The following CCNH variants were observed in gnomAD, a reference collection of about 807,000 sequenced individuals.
CCNH encodes cyclin-H.
In CCNH, 31 loss-of-function variants were observed where a neutral mutation model predicts 41.9. The ratio of observed to expected loss-of-function variants is 0.74; its 90% CI spans 0.56 to 1.00. The LOEUF (loss-of-function observed/expected upper bound fraction) is 1.00. Ranked by LOEUF, CCNH falls within the 50% of genes least tolerant of loss-of-function variation. The pLI is 0.00. For missense variants in CCNH, 362 were observed against 388.4 expected (o/e 0.93, Z 0.57); for synonymous variants, 138 against 136.1 (o/e 1.01, Z -0.10).
intron 9 of CCNH, among the ~76,000 whole-genome samples, chr5:87,383,035 T>C: frequency 6.6e-6 from 1 of 151,968 alleles, no homozygotes; most frequent in East Asian, 1.9e-4. Context: ...AAGGTTGCAG[T>C]GAGCTGTGAT....
intron 9 of CCNH, among the ~76,000 whole-genome samples, chr5:87,344,707 TG>T (rs1171280985): frequency 4.8e-5 from 7 of 146,256 alleles, no homozygotes; most frequent in Non-Finnish European, 7.5e-5. Flanking sequence ...TTTGTAAAGA[TG>T]AGGTCTTACT....
chr5:87,398,800 C>T (rs1279846544), intron 7 of CCNH, among the ~76,000 whole-genome samples: 4 of 151,842 alleles, frequency 2.6e-5, no homozygotes, highest in South Asian at 4.2e-4. Flanking sequence ...GATGAAACCC[C>T]GTCTCTACTA....
intron 9 of CCNH, among the ~76,000 whole-genome samples, chr5:87,344,617 C>T (rs770694350): frequency 2.6e-5 from 4 of 151,926 alleles, no homozygotes; most frequent in Admixed American, 6.6e-5. Flanking sequence ...GATCTTCCTG[C>T]CTGAGCCTCC....
upstream of CCNH, chr5:87,379,921 G>C: frequency 6.9e-7 from 1 of 1,457,116 alleles, no homozygotes. Flanking sequence ...TTTCTAAAAC[G>C]TGAAAGCTTT....
intron 9 of CCNH, among the ~76,000 whole-genome samples, chr5:87,358,303 A>G (rs1759805630): frequency 6.6e-6 from 1 of 152,282 alleles, no homozygotes; most frequent in African/African-American, 2.4e-5. Context: ...TTTGAGCACT[A>G]TATTTTAAGC....
intron 9 of CCNH, among the ~76,000 whole-genome samples, chr5:87,370,818 C>T (rs1760879959): frequency 6.6e-6 from 1 of 152,066 alleles, no homozygotes; most frequent in Admixed American, 6.6e-5. Context: ...TTTGCCAACC[C>T]TAGATATGAG....
At chr5:87,381,487 T>C (rs1260306012), upstream of CCNH, among the ~76,000 whole-genome samples, 1 of 152,216 alleles carries the variant, frequency 6.6e-6, no homozygotes, top group East Asian at 1.9e-4. Flanking sequence ...ATATGTAAAA[T>C]AATTAGGCAA....
rs929077615 is a variant in CCNH, at chr5:87,396,392, C to T, written c.873-1288G>A. ...ATCCCAGCACTTTGGGAGGCTGAGG[C>T]GGGCGGATCACGACGTCAGGAGCTT... On this transcript the variant is annotated intron_variant, in intron 7 of 8. Coordinates refer to ENST00000256897, the MANE Select transcript of CCNH (RefSeq NM_001239.4). 1.3e-5 allele frequency among the ~76,000 whole-genome samples: 2 copies of T among 152,006 alleles called. 1 individual carries two copies. Among genetic ancestry groups the T allele is most frequent in the South Asian group, 4.2e-4 (2 of 4,818 alleles).
intron 5 of CCNH, among the ~76,000 whole-genome samples, chr5:87,402,895 CATT>C (rs1561350510): frequency 6.6e-6 from 1 of 152,074 alleles, no homozygotes; most frequent in African/African-American, 2.4e-5. Context: ...TGACTAGACT[CATT>C]ATCTCTGTGA....
chr5:87,340,759 A>G (rs1758372927), intron 9 of CCNH, among the ~76,000 whole-genome samples: 1 of 152,174 alleles, frequency 6.6e-6, no homozygotes, highest in South Asian at 2.1e-4. Context: ...TCTAACAAGT[A>G]GAAAGCAAAA....
At chr5:87,393,005 T>C (rs1762630283), downstream of CCNH, 1 of 152,104 alleles carries the variant, frequency 6.6e-6, no homozygotes, top group African/African-American at 2.4e-5. Flanking sequence ...TTTATAACTT[T>C]TGGCTTCTTC....
chr5:87,376,758 A>C, exon 1 of CCNH: 1 of 1,222,520 alleles, frequency 8.2e-7, no homozygotes, highest in Non-Finnish European at 1.2e-6. Context: ...TTTTAAATAA[A>C]TTTATTCAAT....
At position 87,401,733 on chromosome 5, in the gene CCNH, AGTTCT is replaced by A. The variant is rs1377421551; in HGVS notation, c.724_728del (p.Arg242LeufsTer20). Reference sequence around the variant, plus strand: ...TTATATCTAGTAACTGTGACAGGCAAGTTCTGTTCTCTTTCAGCATCAGACTCTCT... The same window carrying A: ...TTATATCTAGTAACTGTGACAGGCAAGTTCTCTTTCAGCATCAGACTCTCT... On this transcript the variant is annotated frameshift_variant, in exon 6 of 9. Transcript: ENST00000256897. LOFTEE classifies it high-confidence loss of function. The A allele has an allele frequency of 3.1e-6, 5 of 1,592,470 alleles. No homozygotes were observed. The highest frequency in any genetic ancestry group is 4.3e-6 in the Non-Finnish European group (5 of 1,172,156).
chr5:87,320,331 G>A (rs1215129752), intron 9 of CCNH, among the ~76,000 whole-genome samples: 1 of 152,178 alleles, frequency 6.6e-6, no homozygotes, highest in Non-Finnish European at 1.5e-5. Flanking sequence ...CTTTATAGCA[G>A]TGCCACACTT....
At chr5:87,398,589 A>G (rs3804229) in intron 7 of CCNH, among the ~76,000 whole-genome samples, 1 of 152,206 alleles carries the variant, frequency 6.6e-6, no homozygotes, top group East Asian at 1.9e-4. Flanking sequence ...TGCCAATTTT[A>G]TGGTGATTTT....
intron 6 of CCNH, among the ~76,000 whole-genome samples, chr5:87,400,398 T>C (rs906936951): frequency 1.2e-4 from 19 of 152,206 alleles, no homozygotes; most frequent in African/African-American, 4.3e-4. Flanking sequence ...ATAAAGGTAT[T>C]GAGAAGAAAT....
At chr5:87,339,445 A>G (rs915855168) in intron 9 of CCNH, among the ~76,000 whole-genome samples, 7 of 152,206 alleles carry the variant, frequency 4.6e-5, no homozygotes, top group Non-Finnish European at 1.0e-4. Context: ...GTTTTCCTAT[A>G]AAATTTGTTA....
At chr5:87,397,595 A>AT (rs1011286854) in intron 7 of CCNH, among the ~76,000 whole-genome samples, 34 of 151,868 alleles carry the variant, frequency 2.2e-4, no homozygotes, top group African/African-American at 6.8e-4. Flanking sequence ...ACATCTAGTG[A>AT]TTTTTTTTTA....
At chr5:87,344,678 A>ATTTT (rs113174684) in intron 9 of CCNH, among the ~76,000 whole-genome samples, 3 of 131,208 alleles carry the variant, frequency 2.3e-5, no homozygotes, top group Non-Finnish European at 3.3e-5. Context: ...AAATGTTGTA[A>ATTTT]TTTTTTTTTT....
Sources: allele counts gnomAD v4.1 joint callset (sites outside exome capture counted in the v4.1 genomes callset), GRCh38; gene constraint gnomAD v4.1.1; transcripts MANE v1.5; gene names NCBI Gene and HGNC (gene_info 2026-07-23, HGNC 2026-07-21).